The following KLHL29 variants were observed in gnomAD, a reference collection of about 807,000 sequenced individuals.
KLHL29 encodes kelch like family member 29.
Under a neutral mutation model 80.4 loss-of-function variants are expected in KLHL29, and 21 were observed. The observed-to-expected ratio is 0.26, with a 90% CI of 0.19 to 0.38. The LOEUF (loss-of-function observed/expected upper bound fraction) is 0.38. Ranked by LOEUF, KLHL29 falls within the 10% of genes least tolerant of loss-of-function variation. The probability of loss-of-function intolerance (pLI) is 1.00; values close to 1 mark genes in which losing one functional copy is unlikely to be tolerated. For synonymous variants in KLHL29, 511 were observed against 526.8 expected, an observed-to-expected ratio of 0.97 and a Z score of 0.41; for missense variants, 867 against 1,223.9, an observed-to-expected ratio of 0.71 and a Z score of 4.35.
At chr2:23,400,270 G>C (rs1666566681) in intron 1 of KLHL29, among the ~76,000 whole-genome samples, 1 of 152,212 alleles carries the variant, frequency 6.6e-6, no homozygotes, top group South Asian at 2.1e-4. Flanking sequence ...GCCCCAGGCA[G>C]GGTTTGGGTG....
intron 3 of KLHL29, among the ~76,000 whole-genome samples, chr2:23,571,246 A>G (rs1381266605): frequency 6.6e-6 from 1 of 152,190 alleles, no homozygotes; most frequent in Non-Finnish European, 1.5e-5. Context: ...AGACTGGAGG[A>G]TGGCGGGGAA....
chr2:23,597,166 T>A (rs1475861545), intron 3 of KLHL29, among the ~76,000 whole-genome samples: 1 of 151,584 alleles, frequency 6.6e-6, no homozygotes, highest in East Asian at 1.9e-4. Flanking sequence ...TTTTCCAATA[T>A]AATAGGTAGA....
intron 1 of KLHL29, among the ~76,000 whole-genome samples, chr2:23,428,836 C>T (rs1663079110): frequency 6.6e-6 from 1 of 152,184 alleles, no homozygotes; most frequent in African/African-American, 2.4e-5. Context: ...GCAAAGCCTC[C>T]CGGTACTTCT....
At chr2:23,635,909 C>T (rs1209225834) in intron 3 of KLHL29, among the ~76,000 whole-genome samples, 2 of 152,222 alleles carry the variant, frequency 1.3e-5, no homozygotes, top group Non-Finnish European at 2.9e-5. Flanking sequence ...TGCCTTCTTC[C>T]CTGCTGCCCG....
chr2:23,668,297 A>C (rs1050344141), intron 5 of KLHL29: 1 of 152,064 alleles, frequency 6.6e-6, no homozygotes, highest in Non-Finnish European at 1.5e-5. Flanking sequence ...CCTGAAACCT[A>C]CCTGAGGCCA....
chr2:23,551,201 G>A (rs150159500), intron 2 of KLHL29, among the ~76,000 whole-genome samples: 5 of 152,226 alleles, frequency 3.3e-5, no homozygotes, highest in East Asian at 1.9e-4. Flanking sequence ...CTCAGTTTAC[G>A]CTGATATTGT....
intron 3 of KLHL29, among the ~76,000 whole-genome samples, chr2:23,637,958 C>T (rs971131928): frequency 6.6e-6 from 1 of 152,040 alleles, no homozygotes; most frequent in African/African-American, 2.4e-5. Context: ...CTCCTGGGAG[C>T]TGTGCTGACT....
intron 1 of KLHL29, among the ~76,000 whole-genome samples, chr2:23,398,230 A>G (rs1047814739): frequency 8.5e-5 from 13 of 152,272 alleles, no homozygotes; most frequent in Non-Finnish European, 1.8e-4. Context: ...TCAGTGATGA[A>G]TGAATAAACA....
intron 1 of KLHL29, among the ~76,000 whole-genome samples, chr2:23,463,738 G>C (rs565330645): frequency 2.0e-5 from 3 of 152,324 alleles, no homozygotes; most frequent in African/African-American, 7.2e-5. Flanking sequence ...CCAATCTGCT[G>C]TTGGGCTTTT....
chr2:23,579,530 T>C (rs1667928807), intron 3 of KLHL29, among the ~76,000 whole-genome samples: 1 of 152,132 alleles, frequency 6.6e-6, no homozygotes, highest in African/African-American at 2.4e-5. Context: ...TCCTCATTAC[T>C]ACCCATCAGT....
At chr2:23,581,838 A>AAAAAAC (rs1369406573) in intron 3 of KLHL29, among the ~76,000 whole-genome samples, 4 of 151,694 alleles carry the variant, frequency 2.6e-5, no homozygotes, top group Admixed American at 1.3e-4. Context: ...CAAAAAAAAA[A>AAAAAAC]AAAAAAAACT....
At chr2:23,635,082 A>G (rs549123217) in intron 3 of KLHL29, among the ~76,000 whole-genome samples, 31 of 152,328 alleles carry the variant, frequency 2.0e-4, no homozygotes, top group Admixed American at 8.5e-4. Flanking sequence ...AGTCCCTGCC[A>G]TCTCTCAAAC....
rs932096623 is a variant in KLHL29, at chr2:23,703,685, C to G, written c.2300-34C>G. 7.3e-6 allele frequency: 11 copies of G among 1,507,194 alleles called. No individual in the cohort carries two copies. The African/African-American group carries it at 1.3e-4, about 17-fold the overall frequency. The allele number at this position is 1,507,194 out of a possible 1,614,324, so 93.4% of individuals were successfully genotyped here. A position where few individuals can be genotyped will look rare whatever the true frequency, so the allele number is the denominator to read the frequency against. ...AAAGGAGAGGGAAGTCCAAGACAAG[C>G]TGCCGTGACCTGCCTGCTCTGCTCT... On this transcript the variant is annotated intron_variant, in intron 12 of 13. Coordinates refer to ENST00000486442, the MANE Select transcript of KLHL29 (RefSeq NM_052920.2).
At chr2:23,392,501 A>G (rs1666342656) in intron 1 of KLHL29, among the ~76,000 whole-genome samples, 1 of 152,236 alleles carries the variant, frequency 6.6e-6, no homozygotes, top group Non-Finnish European at 1.5e-5. Context: ...ATTAAGCCCC[A>G]ATAATATAAT....
At chr2:23,687,362 C>G (rs1251949045) in intron 6 of KLHL29, among the ~76,000 whole-genome samples, 2 of 152,232 alleles carry the variant, frequency 1.3e-5, no homozygotes, top group Non-Finnish European at 1.5e-5. Flanking sequence ...GTGTCCACCA[C>G]TCCAGCCCCA....
At chr2:23,409,465 G>T (rs1367777159) in intron 1 of KLHL29, among the ~76,000 whole-genome samples, 1 of 152,168 alleles carries the variant, frequency 6.6e-6, no homozygotes, top group African/African-American at 2.4e-5. Context: ...TCCGTTGGAC[G>T]AACAACTCAT....
At chr2:23,671,331 T>G (rs1477835127) in intron 5 of KLHL29, among the ~76,000 whole-genome samples, 1 of 152,018 alleles carries the variant, frequency 6.6e-6, no homozygotes, top group East Asian at 1.9e-4. Context: ...TGCCCAGTTC[T>G]CTCTGCGTCT....
intron 11 of KLHL29, 138 bp from the exon 12 acceptor site, chr2:23,703,048 C>T: frequency 1.9e-6 from 1 of 534,146 alleles, no homozygotes; most frequent in Non-Finnish European, 3.0e-6. Context: ...CGCAGTGCCC[C>T]CCACTGCTGG....
rs529340441 is a variant in KLHL29 at position 23,703,555 on chromosome 2, G to A, written c.2300-164G>A. On this transcript the variant is annotated intron_variant, in intron 12 of 13. Coordinates refer to ENST00000486442, the MANE Select transcript of KLHL29 (RefSeq NM_052920.2). ...CAGGTGTCTGGAGAGGGGCAAGTGA[G>A]TCAAGGCTCCAGGTTCCCCTAGGCC... is the stretch of plus-strand genomic sequence containing the variant. Among the ~76,000 whole-genome samples the A allele has an allele frequency of 3.3e-5, 5 of 152,380 alleles. No individual in the cohort carries two copies. The South Asian group carries it at 1.0e-3, about 32-fold the overall frequency.
Sources: allele counts gnomAD v4.1 joint callset (sites outside exome capture counted in the v4.1 genomes callset), GRCh38; gene constraint gnomAD v4.1.1; transcripts MANE v1.5; gene names NCBI Gene and HGNC (gene_info 2026-07-23, HGNC 2026-07-21).